RIMS2: variants seen among roughly 807,000 people sequenced by gnomAD.
RIMS2 encodes regulating synaptic membrane exocytosis protein 2.
Under a neutral mutation model 174.4 loss-of-function variants are expected in RIMS2, and 59 were observed. The observed-to-expected ratio is 0.34, with a 90% CI of 0.27 to 0.42. The LOEUF (loss-of-function observed/expected upper bound fraction) is 0.42, where lower values mean the gene tolerates loss of function less well. Ranked by LOEUF, RIMS2 falls within the 10% of genes least tolerant of loss-of-function variation. The pLI is 1.00. For missense variants in RIMS2, 1,620 were observed against 1,666.3 expected, an observed-to-expected ratio of 0.97 and a Z score of 0.48; for synonymous variants, 606 against 572.5, an observed-to-expected ratio of 1.06 and a Z score of -0.84.
chr8:104,189,570 C>G (rs2098986695), intron 19 of RIMS2, among the ~76,000 whole-genome samples: 1 of 136,614 alleles, frequency 7.3e-6, no homozygotes, highest in South Asian at 2.5e-4. Flanking sequence ...AGATAAATTC[C>G]AAATATATAC....
chr8:104,190,454 T>C (rs1056960142), intron 19 of RIMS2, among the ~76,000 whole-genome samples: 1 of 152,126 alleles, frequency 6.6e-6, no homozygotes, highest in Non-Finnish European at 1.5e-5. Context: ...TTCTACGCTT[T>C]GGACTCATTT....
intron 3 of RIMS2, among the ~76,000 whole-genome samples, chr8:103,881,806 T>C (rs936818003): frequency 6.6e-5 from 10 of 151,388 alleles, no homozygotes; most frequent in African/African-American, 2.4e-4. Context: ...CAGAATACTC[T>C]GGCAAAAGAG....
chr8:103,780,544 T>C (rs2098377248), intron 3 of RIMS2, among the ~76,000 whole-genome samples: 1 of 152,192 alleles, frequency 6.6e-6, no homozygotes, highest in South Asian at 2.1e-4. Flanking sequence ...AATGATTTTT[T>C]TCAGTTCAGC....
At chr8:103,780,740 G>A (rs1592191644) in intron 3 of RIMS2, among the ~76,000 whole-genome samples, 1 of 151,886 alleles carries the variant, frequency 6.6e-6, no homozygotes, top group African/African-American at 2.4e-5. Flanking sequence ...TCAGTAGCTG[G>A]TTCCTTGGTT....
chr8:103,550,719 TAAAG>T (rs922149641), intron 1 of RIMS2, among the ~76,000 whole-genome samples: 3 of 150,550 alleles, frequency 2.0e-5, no homozygotes, highest in African/African-American at 4.9e-5. Flanking sequence ...GCAAGACTAA[TAAAG>T]AAGAAAAGAG....
intron 3 of RIMS2, among the ~76,000 whole-genome samples, chr8:103,843,396 G>A (rs777489018): frequency 5.9e-5 from 9 of 152,160 alleles, no homozygotes; most frequent in Non-Finnish European, 1.2e-4. Flanking sequence ...GGCATATTAT[G>A]CACTCCAGGC....
chr8:103,663,903 C>T (rs1410007361), intron 1 of RIMS2, among the ~76,000 whole-genome samples: 2 of 152,162 alleles, frequency 1.3e-5, no homozygotes, highest in Non-Finnish European at 2.9e-5. Flanking sequence ...GCTACAGTAA[C>T]CAAAACAGCA....
intron 1 of RIMS2, among the ~76,000 whole-genome samples, chr8:103,579,993 A>T (rs1450708508): frequency 6.6e-6 from 1 of 152,126 alleles, no homozygotes. Context: ...GCAAGGGGGA[A>T]ATCCGCCCCC....
intron 1 of RIMS2, among the ~76,000 whole-genome samples, chr8:103,690,155 G>T (rs1230558604): frequency 3.3e-5 from 5 of 151,888 alleles, no homozygotes; most frequent in Non-Finnish European, 7.4e-5. Context: ...GTAGAGACAG[G>T]GTTTCAGAAT....
chr8:103,792,460 G>A (rs565778229), intron 3 of RIMS2, among the ~76,000 whole-genome samples: 18 of 152,198 alleles, frequency 1.2e-4, no homozygotes, highest in African/African-American at 4.1e-4. Flanking sequence ...ATGCCCACAA[G>A]AGAAAGCAGG....
intron 1 of RIMS2, 63 bp downstream of exon 1, chr8:103,501,125 T>C: frequency 7.9e-7 from 1 of 1,266,700 alleles, no homozygotes; most frequent in South Asian, 1.8e-5. Context: ...CCCACTGCCC[T>C]GCGGCCGCCT....
chr8:103,705,388 A>G (rs532853573), intron 2 of RIMS2, among the ~76,000 whole-genome samples: 17 of 152,190 alleles, frequency 1.1e-4, no homozygotes, highest in African/African-American at 4.1e-4. Context: ...GGAGAATGTT[A>G]TATGTGCTAA....
chr8:104,028,807 C>G (rs1049121858), intron 19 of RIMS2, among the ~76,000 whole-genome samples: 1 of 152,146 alleles, frequency 6.6e-6, no homozygotes, highest in Admixed American at 6.5e-5. Flanking sequence ...TGGAAGGGAG[C>G]CCTGATCCAG....
chr8:104,218,017 A>C (rs1203867336), intron 19 of RIMS2, among the ~76,000 whole-genome samples: 1 of 152,220 alleles, frequency 6.6e-6, no homozygotes, highest in Non-Finnish European at 1.5e-5. Context: ...GTATGTGAGG[A>C]ATTAAGTCAC....
At chr8:103,866,294 C>T (rs2099084105) in intron 3 of RIMS2, among the ~76,000 whole-genome samples, 1 of 152,034 alleles carries the variant, frequency 6.6e-6, no homozygotes, top group South Asian at 2.1e-4. Flanking sequence ...AATAACAGGA[C>T]TACAATGTCT....
chr8:104,026,806 T>G (rs2096267720), intron 19 of RIMS2, among the ~76,000 whole-genome samples: 1 of 152,160 alleles, frequency 6.6e-6, no homozygotes, highest in African/African-American at 2.4e-5. Flanking sequence ...TGAAGGAGCT[T>G]GGCTTTGTTT....
intron 13 of RIMS2, among the ~76,000 whole-genome samples, chr8:103,937,704 G>A (rs576917171): frequency 5.5e-4 from 83 of 152,278 alleles, no homozygotes; most frequent in African/African-American, 2.0e-3. Context: ...AAATAAGAAG[G>A]CATCAGGGTG....
intron 1 of RIMS2, among the ~76,000 whole-genome samples, chr8:103,600,603 A>G (rs2094689860): frequency 6.6e-6 from 1 of 152,132 alleles, no homozygotes; most frequent in Non-Finnish European, 1.5e-5. Context: ...CTGTTGATGG[A>G]TGCTTAGGTT....
intron 1 of RIMS2, chr8:103,559,030 ATGG>A (rs1409007836): frequency 1.2e-5 from 1 of 86,058 alleles, no homozygotes; most frequent in Non-Finnish European, 2.4e-5. Flanking sequence ...TAAATATGTC[ATGG>A]TGGCCTTTCA....
Sources: gnomAD v4.1 joint callset for allele counts (sites outside exome capture counted in the v4.1 genomes callset) on GRCh38, gnomAD v4.1.1 for gene constraint, MANE v1.5 for transcripts, NCBI Gene and HGNC (gene_info 2026-07-23, HGNC 2026-07-21) for gene names.